Variants in APCDD1 observed in about 807,000 individuals in gnomAD.
The protein encoded by APCDD1 is protein APCDD1.
A neutral mutation model predicts 38.1 loss-of-function variants in APCDD1; 15 were observed. That is an observed-to-expected ratio of 0.39 (90% CI 0.26 to 0.61). The LOEUF (loss-of-function observed/expected upper bound fraction) is 0.61, where lower values mean the gene tolerates loss of function less well. APCDD1 is among the 20% of genes least tolerant of loss of function. APCDD1 has a pLI of 0.49. For synonymous variants in APCDD1, 261 were observed against 279.7 expected (o/e 0.93, Z 0.67); for missense variants, 647 against 696.2 (o/e 0.93, Z 0.79).
intron 4 of APCDD1, 76 bp from the exon 5 acceptor site, chr18:10,487,514 C>G: frequency 7.0e-7 from 1 of 1,425,120 alleles, no homozygotes; most frequent in East Asian, 2.3e-5. Context: ...TAGAGTGTGG[C>G]CAGTGTTTTC....
In APCDD1 at chr18:10,487,787, CG is replaced by C. The variant is rs2031281567; in HGVS notation, c.1299del (p.Arg434AlafsTer134). The C allele has an allele frequency of 1.9e-6, 3 of 1,613,986 alleles. No individual in the cohort carries two copies. The highest frequency in any genetic ancestry group is 1.7e-5 in the Admixed American group (1 of 60,012). On this transcript the variant is annotated frameshift_variant, in exon 5 of 5. Coordinates refer to ENST00000355285, the MANE Select transcript of APCDD1 (RefSeq NM_153000.5). LOFTEE classifies it low-confidence loss of function (END_TRUNC). ...GATCTTCAAAATGGAACAGGATGCC[CG>C]GGGGCGCTATCTGCTGTTCAACGGT... is the stretch of plus-strand genomic sequence containing the variant. ...YEIFKMEQDA[R>X]GRYLLFNGQR...
Position 10,471,583 on chromosome 18 carries a change from A to T in APCDD1, c.296A>T (p.His99Leu). The T allele has an allele frequency of 6.2e-7, 1 of 1,614,208 alleles. No individual in the cohort carries two copies. Among genetic ancestry groups the T allele is most frequent in the Non-Finnish European group, 8.5e-7 (1 of 1,180,028 alleles). ...EFITRSYRFY[H>L]NNTFKAYQFY... ...ATCACAAGGTCCTACAGATTCTACC[A>T]CAATAACACCTTCAAGGCCTACCAA... is the stretch of plus-strand genomic sequence containing the variant. The change falls in exon 3 of 5, where the codon CAC becomes CTC. Residue 99 changes from histidine to leucine, a missense_variant. By Grantham distance (99) the His-to-Leu change is moderately conservative (BLOSUM62 -3). Coordinates refer to ENST00000355285, the MANE Select transcript of APCDD1 (RefSeq NM_153000.5). The surrounding 1 kb of genome is among the most constrained non-coding windows in gnomAD (Gnocchi z 5.5).
Position 10,467,610 on chromosome 18 carries a change from G to GC in APCDD1, c.59-858dup, listed in dbSNP as rs2030747912. Reference sequence around the variant, plus strand: ...GACTCGTTCTGAAGATAAGTTTACTGCTAGTATGTCTTTACCCCTGGGAAA... The same window carrying GC: ...GACTCGTTCTGAAGATAAGTTTACTGCCTAGTATGTCTTTACCCCTGGGAAA... On this transcript the variant is annotated intron_variant, in intron 1 of 4. Transcript: ENST00000355285. This position sits in a 1 kb window ranked among gnomAD's most constrained non-coding sequence, Gnocchi z 4.8. Among the ~76,000 whole-genome samples the GC allele has an allele frequency of 6.6e-6, 1 of 152,158 alleles. No individual in the cohort carries two copies. Among genetic ancestry groups the GC allele is most frequent in the Non-Finnish European group, 1.5e-5 (1 of 68,026 alleles).
chr18:10,469,411 A>G lies in APCDD1; in HGVS notation c.242+759A>G, dbSNP rs1192164816. ...AGACCCAGAATTTTATTTCATAAAA[A>G]TGAGGTCTCTCCAAATAACCACGAT... On this transcript the variant is annotated intron_variant, in intron 2 of 4. Transcript: ENST00000355285. This position sits in a 1 kb window ranked among gnomAD's most constrained non-coding sequence, Gnocchi z 5.5. 1.3e-5 allele frequency among the ~76,000 whole-genome samples: 2 copies of G among 152,250 alleles called. No homozygotes were observed. Among genetic ancestry groups the G allele is most frequent in the African/African-American group, 2.4e-5 (1 of 41,470 alleles).
intron 3 of APCDD1, among the ~76,000 whole-genome samples, chr18:10,483,598 A>G (rs1261924116): frequency 6.6e-6 from 1 of 152,212 alleles, no homozygotes; most frequent in Non-Finnish European, 1.5e-5. Flanking sequence ...TCACATGTTG[A>G]GTGAGGGCTG....
rs2030748160 is a variant in APCDD1, at chr18:10,467,616, A to T, written c.59-853A>T. Reference sequence around the variant, plus strand: ...TTCTGAAGATAAGTTTACTGCTAGTATGTCTTTACCCCTGGGAAATAAACA... The same window carrying T: ...TTCTGAAGATAAGTTTACTGCTAGTTTGTCTTTACCCCTGGGAAATAAACA... On this transcript the variant is annotated intron_variant, in intron 1 of 4. Coordinates refer to ENST00000355285, the MANE Select transcript of APCDD1 (RefSeq NM_153000.5). This position sits in a 1 kb window ranked among gnomAD's most constrained non-coding sequence, Gnocchi z 4.8. 6.6e-6 allele frequency among the ~76,000 whole-genome samples: 1 copy of T among 152,198 alleles called. No homozygotes were observed. Among genetic ancestry groups the T allele is most frequent in the Admixed American group, 6.5e-5 (1 of 15,284 alleles).
rs73942614 is a variant in APCDD1, at chr18:10,457,126, T to C, written c.58+2087T>C. On this transcript the variant is annotated intron_variant, in intron 1 of 4. Transcript: ENST00000355285. The stretch of plus-strand genomic sequence containing the variant: ...AAACTAATGTTGCTCAAAGGTCTAC[T>C]TAGATCCAGCAGAGAGTATCAGACT... Among the ~76,000 whole-genome samples, 1,174 of 152,330 alleles carry C rather than the reference T, an allele frequency of 7.7e-3. 13 individuals are homozygous for C. The highest frequency in any genetic ancestry group is 0.024 in the African/African-American group (1,016 of 41,566).
Position 10,476,056 on chromosome 18 carries a change from C to T in APCDD1, c.774+3995C>T, listed in dbSNP as rs1180712089. The T allele has an allele frequency of 2.6e-5, 4 of 152,200 alleles. No individual in the cohort carries two copies. The East Asian group carries it at 5.8e-4, about 22-fold the overall frequency. The allele number at this position is 152,200 out of a possible 1,614,324, so 9.4% of individuals were successfully genotyped here. On this transcript the variant is annotated intron_variant, in intron 3 of 4. Transcript: ENST00000355285. The surrounding 1 kb of genome is among the most constrained non-coding windows in gnomAD (Gnocchi z 5.8). Reference sequence around the variant, plus strand: ...GCAGGTTGTCCGAGCTGTCTGTGGCCGCCAGCGGAGACAGGAAGAAAGGCT... The same window carrying T: ...GCAGGTTGTCCGAGCTGTCTGTGGCTGCCAGCGGAGACAGGAAGAAAGGCT...
intron 3 of APCDD1, among the ~76,000 whole-genome samples, chr18:10,484,674 T>C (rs1266623593): frequency 1.3e-5 from 2 of 152,184 alleles, no homozygotes; most frequent in Non-Finnish European, 2.9e-5. Flanking sequence ...CATCATACAG[T>C]GTCCTTTTGT....
intron 3 of APCDD1, among the ~76,000 whole-genome samples, chr18:10,473,240 C>A (rs763624984): frequency 1.3e-5 from 2 of 152,148 alleles, no homozygotes; most frequent in Non-Finnish European, 2.9e-5. Context: ...TTGTGCAATG[C>A]AAGTGGCTCT....
At chr18:10,461,856 T>A (rs1034527211) in intron 1 of APCDD1, among the ~76,000 whole-genome samples, 1 of 152,186 alleles carries the variant, frequency 6.6e-6, no homozygotes, top group African/African-American at 2.4e-5. Context: ...CTAATCAAAA[T>A]GTTGACATTA....
chr18:10,480,151 T>C (rs946135015), intron 3 of APCDD1, among the ~76,000 whole-genome samples: 3 of 152,168 alleles, frequency 2.0e-5, no homozygotes, highest in Non-Finnish European at 4.4e-5. Context: ...GCCAAGTTGG[T>C]GAGCCTGGGA....
rs2030819117 is a variant in APCDD1, at chr18:10,470,278, G to A, written c.243-1252G>A. Among the ~76,000 whole-genome samples the A allele has an allele frequency of 1.3e-5, 2 of 152,158 alleles. No homozygotes were observed. Among genetic ancestry groups the A allele is most frequent in the African/African-American group, 4.8e-5 (2 of 41,448 alleles). On this transcript the variant is annotated intron_variant, in intron 2 of 4. Coordinates refer to ENST00000355285, the MANE Select transcript of APCDD1 (RefSeq NM_153000.5). The surrounding 1 kb of genome is among the most constrained non-coding windows in gnomAD (Gnocchi z 4.1). ...TTCTTTTCTAAACCTCATCTAACAT[G>A]AATCACTGCTTACACTAAACTTCTC... is the stretch of plus-strand genomic sequence containing the variant.
Position 10,455,112 on chromosome 18 carries a change from C to T in APCDD1, c.58+73C>T, listed in dbSNP as rs1401575470. 5.2e-6 allele frequency: 8 copies of T among 1,539,660 alleles called. No individual in the cohort carries two copies. In the African/African-American group the frequency reaches 5.5e-5, roughly 11 times the overall value. ...CCGGGCGCCGCGGAGCCCGCGGAGG[C>T]GTCGGGTCTGGATCGCGGCACGGCC... is the stretch of plus-strand genomic sequence containing the variant. On this transcript the variant is annotated intron_variant, in intron 1 of 4. Coordinates refer to ENST00000355285, the MANE Select transcript of APCDD1 (RefSeq NM_153000.5).
In APCDD1 at chr18:10,487,879, C is replaced by T. The variant is rs1405749976; in HGVS notation, c.1386C>T (p.Pro462=). The part of the protein sequence containing the change: ...PEKRATSYQM[P]LVQCASSSPR... ...AGAGAGCCACGTCCTACCAGATGCC[C>T]TTGGTCCAGTGTGCCTCCTCTTCGC... Residue 462 remains proline (P), a synonymous_variant, in exon 5 of 5, where the codon CCC becomes CCT. Transcript: ENST00000355285. 1.2e-6 allele frequency: 2 copies of T among 1,613,746 alleles called. No homozygotes were observed. The highest frequency in any genetic ancestry group is 2.2e-5 in the East Asian group (1 of 44,884).
intron 3 of APCDD1, among the ~76,000 whole-genome samples, chr18:10,474,708 A>G (rs1477003903): frequency 6.6e-6 from 1 of 152,132 alleles, no homozygotes. Context: ...GGCTCCGCAG[A>G]TGGAGTCTGA....
At chr18:10,465,634 C>T (rs559159180) in intron 1 of APCDD1, among the ~76,000 whole-genome samples, 19 of 152,314 alleles carry the variant, frequency 1.2e-4, no homozygotes, top group African/African-American at 3.8e-4. Flanking sequence ...TATTGAGACA[C>T]GTGCAGAGCA....
intron 3 of APCDD1, among the ~76,000 whole-genome samples, chr18:10,480,021 A>G (rs1466442427): frequency 6.6e-6 from 1 of 152,116 alleles, no homozygotes; most frequent in Non-Finnish European, 1.5e-5. Context: ...GTGTGTGTAA[A>G]GAATAGCAAC....
At position 10,475,058 on chromosome 18, in the gene APCDD1, A is replaced by T. The variant is rs1247699174; in HGVS notation, c.774+2997A>T. On this transcript the variant is annotated intron_variant, in intron 3 of 4. Coordinates refer to ENST00000355285, the MANE Select transcript of APCDD1 (RefSeq NM_153000.5). This position sits in a 1 kb window ranked among gnomAD's most constrained non-coding sequence, Gnocchi z 4.0. ...TTTTCTGTAAAATGGCAAAAATATAAGAATCAATAGGGTTAATGTGCAGAA... is the reference window on the plus strand; with the variant it reads ...TTTTCTGTAAAATGGCAAAAATATATGAATCAATAGGGTTAATGTGCAGAA... Among the ~76,000 whole-genome samples, 1 of 152,228 alleles carries T rather than the reference A, an allele frequency of 6.6e-6. No homozygotes were observed. Among genetic ancestry groups the T allele is most frequent in the Non-Finnish European group, 1.5e-5 (1 of 68,044 alleles).
Sources: allele counts gnomAD v4.1 joint callset (sites outside exome capture counted in the v4.1 genomes callset), GRCh38; gene constraint gnomAD v4.1.1; non-coding constraint Gnocchi (gnomAD v3.1); transcripts MANE v1.5; gene names NCBI Gene and HGNC (gene_info 2026-07-23, HGNC 2026-07-21).